The following CCDC77 variants were observed in gnomAD, a reference collection of about 807,000 sequenced individuals.
CCDC77 encodes coiled-coil domain-containing protein 77.
In CCDC77, 56 loss-of-function variants were observed where a neutral mutation model predicts 66.8. The observed-to-expected ratio is 0.84, with a 90% confidence interval of 0.68 to 1.05. The LOEUF (loss-of-function observed/expected upper bound fraction) is 1.05. Among genes scored for constraint, CCDC77 ranks in the 50% least tolerant of loss-of-function variants. The pLI is 0.00. For missense variants in CCDC77, 570 were observed against 576.8 expected (o/e 0.99, Z 0.12); for synonymous variants, 196 against 195.2 (o/e 1.00, Z -0.03).
At chr12:396,435 G>T (rs1295999867) in intron 1 of CCDC77, among the ~76,000 whole-genome samples, 1 of 152,080 alleles carries the variant, frequency 6.6e-6, no homozygotes, top group Admixed American at 6.6e-5. Context: ...AAAAACAACT[G>T]TTTAAATTGT....
chr12:412,885 C>T (rs1042410637), intron 4 of CCDC77, among the ~76,000 whole-genome samples: 2 of 152,102 alleles, frequency 1.3e-5, no homozygotes, highest in Admixed American at 6.6e-5. Context: ...ATCTGCACAC[C>T]GTTACTCCAT....
chr12:428,726 G>C lies in CCDC77; in HGVS notation c.414-43G>C, dbSNP rs369263756. Reference sequence around the variant, plus strand: ...TTAAACAGAAAAAGGTTACTTACTTGGGACATTTAATAATATGTGCTTGCT... The same window carrying C: ...TTAAACAGAAAAAGGTTACTTACTTCGGACATTTAATAATATGTGCTTGCT... On this transcript the variant is annotated intron_variant, in intron 5 of 12. Coordinates refer to ENST00000239830, the MANE Select transcript of CCDC77 (RefSeq NM_032358.4). 5.2e-6 allele frequency: 7 copies of C among 1,343,094 alleles called. No homozygotes were observed. The East Asian group carries it at 7.3e-5, about 14-fold the overall frequency. The allele number at this position is 1,343,094 out of a possible 1,614,324, so 83.2% of individuals were successfully genotyped here.
chr12:428,983 G>GAA, intron 6 of CCDC77, 118 bp downstream of exon 6: 1 of 592,552 alleles, frequency 1.7e-6, no homozygotes, highest in African/African-American at 1.9e-5. Flanking sequence ...AGCCATCACA[G>GAA]TGCCTTGTTT....
intron 5 of CCDC77, among the ~76,000 whole-genome samples, chr12:423,609 A>ACCTCAGCCTCCCAGT (rs1945478042): frequency 6.8e-6 from 1 of 147,226 alleles, no homozygotes; most frequent in Non-Finnish European, 1.5e-5. Context: ...GATCCCCCCA[A>ACCTCAGCCTCCCAGT]CCTCAGCCTC....
At chr12:404,347 C>T (rs918984763) in intron 1 of CCDC77, among the ~76,000 whole-genome samples, 2 of 152,162 alleles carry the variant, frequency 1.3e-5, no homozygotes, top group African/African-American at 4.8e-5. Context: ...AGGTAGTTGG[C>T]ACTATCTAAT....
At chr12:437,497 T>A (rs1451127065) in intron 9 of CCDC77, among the ~76,000 whole-genome samples, 1 of 150,710 alleles carries the variant, frequency 6.6e-6, no homozygotes, top group African/African-American at 2.4e-5. Flanking sequence ...AATGGAGGAA[T>A]TAAAATAGGC....
chr12:396,908 C>T (rs61907058), upstream of CCDC77, among the ~76,000 whole-genome samples: 1,026 of 152,222 alleles, frequency 6.7e-3, 12 homozygotes, highest in Non-Finnish European at 9.8e-3. Context: ...GTGACAGACC[C>T]GGAATTGAAT....
intron 4 of CCDC77, among the ~76,000 whole-genome samples, chr12:415,122 A>G (rs894249910): frequency 5.3e-5 from 8 of 151,840 alleles, no homozygotes; most frequent in African/African-American, 1.7e-4. Context: ...CTCTGAATAC[A>G]TTTACTGGGA....
intron 1 of CCDC77, among the ~76,000 whole-genome samples, chr12:403,561 T>G (rs1027525875): frequency 6.6e-6 from 1 of 152,236 alleles, no homozygotes; most frequent in Non-Finnish European, 1.5e-5. Context: ...TGGGGCAATC[T>G]CAGCTCAGTG....
At chr12:416,371 G>GTATATATA (rs1945272960) in intron 4 of CCDC77, among the ~76,000 whole-genome samples, 1 of 27,654 alleles carries the variant, frequency 3.6e-5, no homozygotes, top group Non-Finnish European at 7.3e-5. Flanking sequence ...GTGTGTGTGT[G>GTATATATA]TGTGTGTATA....
At chr12:437,561 C>T (rs1164459399) in intron 9 of CCDC77, among the ~76,000 whole-genome samples, 3 of 150,474 alleles carry the variant, frequency 2.0e-5, no homozygotes, top group Non-Finnish European at 4.5e-5. Flanking sequence ...AAAAGTAGGC[C>T]AGGTGCAGTG....
chr12:397,838 G>C (rs1944848224), upstream of CCDC77, among the ~76,000 whole-genome samples: 2 of 152,056 alleles, frequency 1.3e-5, no homozygotes, highest in African/African-American at 4.8e-5. Flanking sequence ...AGTAGAGATG[G>C]GGTTTCACTG....
intron 5 of CCDC77, among the ~76,000 whole-genome samples, chr12:423,477 G>T (rs59967336): frequency 0.19 from 4,706 of 24,534 alleles, 792 homozygotes; most frequent in East Asian, 0.37. Flanking sequence ...TGTGTTTTTT[G>T]TGTTTTTTTT....
chr12:428,904 AC>A, intron 6 of CCDC77, 39 bp downstream of exon 6: 2 of 1,325,162 alleles, frequency 1.5e-6, no homozygotes, highest in Admixed American at 1.8e-5. Flanking sequence ...GTGTGGCTTT[AC>A]AAGTCACAGG....
At chr12:436,189 C>T (rs1198244430) in intron 9 of CCDC77, among the ~76,000 whole-genome samples, 1 of 146,292 alleles carries the variant, frequency 6.8e-6, no homozygotes, top group Non-Finnish European at 1.5e-5. Flanking sequence ...ACAATCTCGG[C>T]TCACTGCAAG....
At chr12:412,971 C>T (rs577813734) in intron 4 of CCDC77, among the ~76,000 whole-genome samples, 1 of 152,088 alleles carries the variant, frequency 6.6e-6, no homozygotes, top group South Asian at 2.1e-4. Context: ...CGGAGTCTCG[C>T]TCTGTCGCCC....
At chr12:430,531 C>T (rs1388790250) in intron 6 of CCDC77, 133 bp from the exon 7 acceptor site, 4 of 716,272 alleles carry the variant, frequency 5.6e-6, no homozygotes, top group Non-Finnish European at 1.0e-5. Context: ...CTGTCATGTG[C>T]ATGACATCCT....
chr12:407,782 A>ATTTTTTTTTT (rs386375348), intron 2 of CCDC77, among the ~76,000 whole-genome samples: 8 of 100,436 alleles, frequency 8.0e-5, no homozygotes, highest in South Asian at 3.6e-4. Context: ...AGGACTGAAG[A>ATTTTTTTTTT]TTTTTTTTTT....
At chr12:441,038 G>GACAC in intron 12 of CCDC77, 42 bp downstream of exon 12, 1 of 1,593,818 alleles carries the variant, frequency 6.3e-7, no homozygotes, top group Non-Finnish European at 8.5e-7. Context: ...GAGAAGAGGT[G>GACAC]TAAGTGAGGG....
Sources: gnomAD v4.1 joint callset for allele counts (sites outside exome capture counted in the v4.1 genomes callset) on GRCh38, gnomAD v4.1.1 for gene constraint, MANE v1.5 for transcripts, NCBI Gene and HGNC (gene_info 2026-07-23, HGNC 2026-07-21) for gene names.